CNR1: variants seen among roughly 807,000 people sequenced by gnomAD.
CNR1 encodes cannabinoid receptor 1 (brain).
In CNR1, 10 loss-of-function variants were observed where a neutral mutation model predicts 23.0. That is an observed-to-expected ratio of 0.43 (90% confidence interval 0.27 to 0.74). The LOEUF is 0.74. Ranked by LOEUF, CNR1 falls within the 30% of genes least tolerant of loss-of-function variation. CNR1 has a pLI of 0.19. For synonymous variants in CNR1, 271 were observed against 255.2 expected (o/e 1.06, Z -0.59); for missense variants, 422 against 618.8 (o/e 0.68, Z 3.37).
chr6:88,164,289 A>T (rs934569641), intron 1 of CNR1: 1 of 152,394 alleles, frequency 6.6e-6, no homozygotes, highest in African/African-American at 2.4e-5. Context: ...CTGGAGTGGG[A>T]GACATCTTTG....
At chr6:88,167,026 A>G (rs1778397363), upstream of CNR1, among the ~76,000 whole-genome samples, 1 of 150,832 alleles carries the variant, frequency 6.6e-6, no homozygotes, top group Non-Finnish European at 1.5e-5. Flanking sequence ...GCTTCGCGCC[A>G]GGCGCCTTCT....
intron 1 of CNR1, among the ~76,000 whole-genome samples, chr6:88,146,314 C>T (rs948975415): frequency 6.6e-6 from 1 of 152,140 alleles, no homozygotes; most frequent in Non-Finnish European, 1.5e-5. Context: ...CCATATTGGT[C>T]GGGCTGGTCT....
intron 1 of CNR1, among the ~76,000 whole-genome samples, chr6:88,147,499 C>T (rs1777267484): frequency 1.3e-5 from 2 of 152,204 alleles, no homozygotes; most frequent in South Asian, 4.1e-4. Flanking sequence ...TAGGTAGCAT[C>T]ACTGTAGGTG....
chr6:88,153,712 G>C (rs994410741), intron 1 of CNR1, among the ~76,000 whole-genome samples: 5 of 152,116 alleles, frequency 3.3e-5, no homozygotes, highest in Non-Finnish European at 5.9e-5. Flanking sequence ...CTACTAATTT[G>C]ATCAAGAAAA....
At chr6:88,154,022 CT>C (rs1394795057) in intron 1 of CNR1, among the ~76,000 whole-genome samples, 1 of 152,142 alleles carries the variant, frequency 6.6e-6, no homozygotes, top group Non-Finnish European at 1.5e-5. Context: ...AATACATAAT[CT>C]TTTTTCCTTA....
chr6:88,155,753 ACT>A (rs1435037094), intron 1 of CNR1, among the ~76,000 whole-genome samples: 1 of 152,226 alleles, frequency 6.6e-6, no homozygotes, highest in Non-Finnish European at 1.5e-5. Context: ...ATAAATCCTA[ACT>A]CTGCATTAGT....
upstream of CNR1, among the ~76,000 whole-genome samples, chr6:88,167,078 G>A (rs1778399236): frequency 6.6e-6 from 1 of 151,784 alleles, no homozygotes; most frequent in Non-Finnish European, 1.5e-5. Context: ...ACTCGGGCGC[G>A]CCCCGCCCGC....
At chr6:88,146,652 A>T (rs1777204271) in intron 1 of CNR1, among the ~76,000 whole-genome samples, 1 of 152,254 alleles carries the variant, frequency 6.6e-6, no homozygotes, top group African/African-American at 2.4e-5. Context: ...ATTTTTGTTT[A>T]AAATGTGGGC....
Position 88,142,757 on chromosome 6 carries a change from A to G in CNR1, c.*1099T>C, listed in dbSNP as rs1776894023. On this transcript the variant is annotated 3_prime_UTR_variant, in exon 2 of 2. Coordinates refer to ENST00000369501, the MANE Select transcript of CNR1 (RefSeq NM_016083.6). ...TTACTGTAACAGTTACAGGACAGAA[A>G]CACACATACACACATTTATATTCAC... 6.6e-6 allele frequency: 1 copy of G among 152,598 alleles called. No individual in the cohort carries two copies. Among genetic ancestry groups the G allele is most frequent in the African/African-American group, 2.4e-5 (1 of 41,440 alleles). 9.5% of individuals were successfully genotyped at this position (152,598 alleles called of 1,614,324 possible). A position where few individuals can be genotyped will look rare whatever the true frequency, so the allele number is the denominator to read the frequency against.
At chr6:88,149,767 C>A (rs994061533) in intron 1 of CNR1, among the ~76,000 whole-genome samples, 1 of 152,216 alleles carries the variant, frequency 6.6e-6, no homozygotes, top group African/African-American at 2.4e-5. Flanking sequence ...ACCTTCCTGA[C>A]CAGCCCCTCC....
rs765784469 is a variant in CNR1 at position 88,144,834 on chromosome 6, G to A, written c.441C>T (p.Leu147=). The part of the protein sequence containing the change: ...VLCVILHSRS[L]RCRPSYHFIG... ...TGAAGTGGTAGGAAGGCCTGCAGCG[G>A]AGGCTGCGGGAGTGGAGGATGACGC... Residue 147 remains leucine (L), a synonymous_variant, in exon 2 of 2, where the codon CTC becomes CTT. Coordinates refer to ENST00000369501, the MANE Select transcript of CNR1 (RefSeq NM_016083.6). The surrounding 1 kb of genome is among the most constrained non-coding windows in gnomAD (Gnocchi z 7.8). 122 of 1,614,070 alleles carry A rather than the reference G, an allele frequency of 7.6e-5. 2 individuals carry two copies. Among genetic ancestry groups the A allele is most frequent in the Non-Finnish European group, 6.4e-5 (76 of 1,180,022 alleles).
intron 1 of CNR1, among the ~76,000 whole-genome samples, chr6:88,157,656 A>C (rs779759939): frequency 1.2e-4 from 18 of 152,222 alleles, no homozygotes; most frequent in Non-Finnish European, 2.1e-4. Flanking sequence ...AAATATGTTT[A>C]AACCAAGAGA....
rs1263520676 is a variant in CNR1, at chr6:88,143,351, T to C, written c.*505A>G. 1 of 154,084 alleles carries C rather than the reference T, an allele frequency of 6.5e-6. No homozygotes were observed. The highest frequency in any genetic ancestry group is 2.4e-5 in the African/African-American group (1 of 41,472). 9.5% of individuals were successfully genotyped at this position (154,084 alleles called of 1,614,324 possible). ...TGCTTGTCCATTGTTCTCATAAAAG[T>C]CTACCTTTCAGTTTTGCTGAACTAA... On this transcript the variant is annotated 3_prime_UTR_variant, in exon 2 of 2. Transcript: ENST00000369501.
At position 88,141,244 on chromosome 6, in the gene CNR1, G is replaced by T. The variant is rs45516291; in HGVS notation, c.*2612C>A. 0.089 allele frequency: 13,529 copies of T among 152,766 alleles called. 850 individuals are homozygous for T. The highest frequency in any genetic ancestry group is 0.13 in the Non-Finnish European group (8,939 of 68,002). The allele number at this position is 152,766 out of a possible 1,614,324, so 9.5% of individuals were successfully genotyped here. ...TGGGTTAAGAAATGATATGAAAAGT[G>T]TCAAAGTGAATCTAACTAGTTTTAA... On this transcript the variant is annotated 3_prime_UTR_variant, in exon 2 of 2. Transcript: ENST00000369501.
chr6:88,144,046 C>T lies in CNR1; in HGVS notation c.1229G>A (p.Ser410Asn), dbSNP rs765378853. The change falls in exon 2 of 2, where the codon AGC becomes AAC. Residue 410 changes from serine to asparagine, a missense_variant. Physicochemically the swap from Ser to Asn is conservative, Grantham distance 46 (BLOSUM62 1). Coordinates refer to ENST00000369501, the MANE Select transcript of CNR1 (RefSeq NM_016083.6). The surrounding 1 kb of genome is among the most constrained non-coding windows in gnomAD (Gnocchi z 7.8). Reference protein sequence around the residue: ...RSKDLRHAFRSMFPSCEGTAQ... With the variant: ...RSKDLRHAFRNMFPSCEGTAQ... ...AGTGCCTTCACAAGAGGGAAACATG[C>T]TCCGGAAAGCGTGTCGCAGGTCCTT... 4 of 1,614,052 alleles carry T rather than the reference C, an allele frequency of 2.5e-6. No homozygotes were observed. Among genetic ancestry groups the T allele is most frequent in the Middle Eastern group, 1.6e-4 (1 of 6,062 alleles).
chr6:88,166,394 G>C (rs536695130), upstream of CNR1: 1 of 152,378 alleles, frequency 6.6e-6, no homozygotes, highest in Non-Finnish European at 1.5e-5. Context: ...GTCCCATCAC[G>C]TGTTAATGAG....
Position 88,145,158 on chromosome 6 carries a change from G to C in CNR1, c.117C>G (p.Ser39=). 1 of 1,614,156 alleles carries C rather than the reference G, an allele frequency of 6.2e-7. No individual in the cohort carries two copies. The highest frequency in any genetic ancestry group is 8.5e-7 in the Non-Finnish European group (1 of 1,180,002). ...QYEDIKGDMA[S]KLGYFPQKFP... ...ATTTCTGTGGGAAGTACCCTAATTT[G>C]GATGCCATGTCACCTTTGATGTCTT... is the stretch of plus-strand genomic sequence containing the variant. Residue 39 remains serine (S), a synonymous_variant, in exon 2 of 2, where the codon TCC becomes TCG. Coordinates refer to ENST00000369501, the MANE Select transcript of CNR1 (RefSeq NM_016083.6).
intron 1 of CNR1, among the ~76,000 whole-genome samples, chr6:88,162,287 TTTTA>T (rs1314227808): frequency 6.6e-6 from 1 of 152,228 alleles, no homozygotes; most frequent in Non-Finnish European, 1.5e-5. Context: ...ATATTTAAAT[TTTTA>T]TTTCAGTCAT....
At position 88,141,429 on chromosome 6, in the gene CNR1, C is replaced by A. The variant is rs1776809992; in HGVS notation, c.*2427G>T. On this transcript the variant is annotated 3_prime_UTR_variant, in exon 2 of 2. Coordinates refer to ENST00000369501, the MANE Select transcript of CNR1 (RefSeq NM_016083.6). ...AGCACAACACACTATAAAATCTACA[C>A]TGCATACGCACAAATGCAGTTTCAA... 6.6e-6 allele frequency: 1 copy of A among 152,618 alleles called. No individual in the cohort carries two copies. Among genetic ancestry groups the A allele is most frequent in the African/African-American group, 2.4e-5 (1 of 41,472 alleles). The allele number at this position is 152,618 out of a possible 1,614,324, so 9.5% of individuals were successfully genotyped here. A position where few individuals can be genotyped will look rare whatever the true frequency, so the allele number is the denominator to read the frequency against.
Sources: gnomAD v4.1 joint callset for allele counts (sites outside exome capture counted in the v4.1 genomes callset) on GRCh38, gnomAD v4.1.1 for gene constraint, Gnocchi (gnomAD v3.1) non-coding constraint, MANE v1.5 for transcripts, NCBI Gene and HGNC (gene_info 2026-07-23, HGNC 2026-07-21) for gene names.